CADM1: variants seen among roughly 807,000 people sequenced by gnomAD.
CADM1 encodes cell adhesion molecule 1, also known as TSLC-1.
In CADM1, 15 loss-of-function variants were observed where a neutral mutation model predicts 53.1. The ratio of observed to expected loss-of-function variants is 0.28; its 90% CI spans 0.19 to 0.44. The LOEUF (loss-of-function observed/expected upper bound fraction) is 0.44. CADM1 is among the 20% of genes least tolerant of loss of function. The pLI is 1.00. For synonymous variants in CADM1, 281 were observed against 243.0 expected (o/e 1.16, Z -1.45); for missense variants, 434 against 611.3 (o/e 0.71, Z 3.06).
chr11:115,241,543 T>TGAA lies in CADM1; in HGVS notation c.125-1126_125-1124dup, dbSNP rs536067553. On this transcript the variant is annotated intron_variant, in intron 1 of 11. Coordinates refer to ENST00000331581, the MANE Select transcript of CADM1 (RefSeq NM_001301043.2). ...AAAGTCCCTGAGCCAGTTTCCCATC[T>TGAA]GAAGAATGGGGATAGTAATTAAAAG... 5.3e-5 allele frequency among the ~76,000 whole-genome samples: 8 copies of TGAA among 152,324 alleles called. No homozygotes were observed. The South Asian group carries it at 1.7e-3, about 32-fold the overall frequency.
chr11:115,194,362 T>C (rs11215406), intron 9 of CADM1, among the ~76,000 whole-genome samples: 29,914 of 152,190 alleles, frequency 0.2, 3,595 homozygotes, highest in South Asian at 0.32. Context: ...GTTTGCATTA[T>C]TTATAAACGA....
chr11:115,311,157 C>T (rs901504856), intron 1 of CADM1, among the ~76,000 whole-genome samples: 2 of 152,124 alleles, frequency 1.3e-5, no homozygotes, highest in African/African-American at 4.8e-5. Context: ...ATGAAAGACA[C>T]TATTTGACGA....
At chr11:115,329,262 C>T (rs1294848710) in intron 1 of CADM1, among the ~76,000 whole-genome samples, 2 of 152,066 alleles carry the variant, frequency 1.3e-5, no homozygotes, top group South Asian at 2.1e-4. Context: ...AAGATCAGGT[C>T]TTTTAGAACT....
chr11:115,333,163 T>C (rs1477819467), intron 1 of CADM1, among the ~76,000 whole-genome samples: 1 of 148,940 alleles, frequency 6.7e-6, no homozygotes, highest in South Asian at 2.1e-4. Context: ...TCTTACCTGA[T>C]TTTCCCAATG....
chr11:115,474,164 G>A (rs1391281931), intron 1 of CADM1, among the ~76,000 whole-genome samples: 4 of 151,276 alleles, frequency 2.6e-5, no homozygotes, highest in East Asian at 3.9e-4. Flanking sequence ...GGTGGTGGGC[G>A]CCTGTAGTCC....
intron 1 of CADM1, among the ~76,000 whole-genome samples, chr11:115,369,013 G>A (rs1404385048): frequency 9.5e-5 from 4 of 42,308 alleles, no homozygotes; most frequent in Non-Finnish European, 2.0e-4. Flanking sequence ...GCCTAGCAGA[G>A]TGAAAAAAAA....
intron 1 of CADM1, among the ~76,000 whole-genome samples, chr11:115,298,026 A>C (rs1375329120): frequency 6.6e-6 from 1 of 152,200 alleles, no homozygotes; most frequent in Non-Finnish European, 1.5e-5. Context: ...ACACAGAGGC[A>C]GAATATGCAG....
intron 1 of CADM1, among the ~76,000 whole-genome samples, chr11:115,390,965 G>C (rs1946822758): frequency 6.6e-6 from 1 of 152,168 alleles, no homozygotes; most frequent in Non-Finnish European, 1.5e-5. Flanking sequence ...ACATTCATAA[G>C]AATACACTAA....
At chr11:115,244,312 T>C (rs1036143409) in intron 1 of CADM1, among the ~76,000 whole-genome samples, 1 of 152,272 alleles carries the variant, frequency 6.6e-6, no homozygotes, top group Admixed American at 6.5e-5. Flanking sequence ...TAACATAGTT[T>C]ACAAATGCTT....
intron 1 of CADM1, among the ~76,000 whole-genome samples, chr11:115,412,027 T>C (rs1308404353): frequency 6.6e-6 from 1 of 152,072 alleles, no homozygotes; most frequent in Admixed American, 6.5e-5. Flanking sequence ...AGCTTGAAAA[T>C]ATGCTAGTTC....
intron 10 of CADM1, among the ~76,000 whole-genome samples, chr11:115,188,739 A>G (rs1287155817): frequency 1.3e-5 from 2 of 152,330 alleles, no homozygotes; most frequent in East Asian, 3.9e-4. Flanking sequence ...GTCTTGTATT[A>G]TAATTGAATT....
chr11:115,315,015 A>G (rs1357896446), intron 1 of CADM1, among the ~76,000 whole-genome samples: 1 of 152,190 alleles, frequency 6.6e-6, no homozygotes, highest in Non-Finnish European at 1.5e-5. Context: ...TGGAGTTGAC[A>G]CGTTAAACAG....
At chr11:115,355,494 C>T (rs139963550) in intron 1 of CADM1, among the ~76,000 whole-genome samples, 365 of 151,976 alleles carry the variant, frequency 2.4e-3, no homozygotes, top group African/African-American at 8.2e-3. Flanking sequence ...GGCTGAGGAT[C>T]GGAAAAAATA....
chr11:115,282,454 A>G (rs556754036), intron 1 of CADM1, among the ~76,000 whole-genome samples: 2 of 152,342 alleles, frequency 1.3e-5, no homozygotes, highest in African/African-American at 2.4e-5. Flanking sequence ...TGAACACAAT[A>G]TAAGAGGCAT....
chr11:115,391,905 A>AT (rs1946845315), intron 1 of CADM1, among the ~76,000 whole-genome samples: 1 of 152,176 alleles, frequency 6.6e-6, no homozygotes, highest in South Asian at 2.1e-4. Flanking sequence ...AAGGTGATTC[A>AT]TTTTAGCTAT....
chr11:115,317,363 T>C (rs2135178396), intron 1 of CADM1, among the ~76,000 whole-genome samples: 1 of 151,996 alleles, frequency 6.6e-6, no homozygotes, highest in Non-Finnish European at 1.5e-5. Flanking sequence ...TTAACTGGCC[T>C]ATAAGCTAAT....
intron 1 of CADM1, among the ~76,000 whole-genome samples, chr11:115,471,632 T>C (rs1412993765): frequency 6.6e-6 from 1 of 152,198 alleles, no homozygotes; most frequent in African/African-American, 2.4e-5. Context: ...CCAGAGTTTC[T>C]GACTCAGCAG....
intron 1 of CADM1, among the ~76,000 whole-genome samples, chr11:115,353,708 C>T (rs1945793437): frequency 6.6e-6 from 1 of 152,140 alleles, no homozygotes; most frequent in Admixed American, 6.6e-5. Flanking sequence ...TATCAGAGCT[C>T]TGACCTGGAG....
At chr11:115,298,099 C>T (rs1216181562) in intron 1 of CADM1, among the ~76,000 whole-genome samples, 1 of 152,188 alleles carries the variant, frequency 6.6e-6, no homozygotes, top group Non-Finnish European at 1.5e-5. Context: ...TAGGGATTCT[C>T]ATGGGAATAA....
Sources: allele counts gnomAD v4.1 joint callset (sites outside exome capture counted in the v4.1 genomes callset), GRCh38; gene constraint gnomAD v4.1.1; transcripts MANE v1.5; gene names NCBI Gene and HGNC (gene_info 2026-07-23, HGNC 2026-07-21).